C1R: variants seen among roughly 807,000 people sequenced by gnomAD.
C1R encodes the protein complement C1r subcomponent.
C1R carries 15 observed loss-of-function variants against 27.6 expected under a neutral mutation model. The ratio of observed to expected loss-of-function variants is 0.54; its 90% CI spans 0.36 to 0.84. C1R has a LOEUF of 0.84. Ranked by LOEUF, C1R falls within the 40% of genes least tolerant of loss-of-function variation. C1R has a pLI of 0.01. For missense variants in C1R, 544 were observed against 577.9 expected (o/e 0.94, Z 0.60); for synonymous variants, 253 against 228.8 (o/e 1.11, Z -0.95).
At chr12:7,089,109 A>AG (rs1267618557) in intron 5 of C1R, 123 bp from the exon 6 acceptor site, 1 of 628,706 alleles carries the variant, frequency 1.6e-6, no homozygotes, top group East Asian at 2.7e-5. Context: ...GTGTGTTTTC[A>AG]GGGGAAGGTG....
rs374539040 is a variant in C1R at position 7,080,979 on chromosome 12, G to A, written c.1671C>T (p.Asp557=). The change falls in exon 11 of 11, where the codon GAC becomes GAT. Residue 557 remains aspartate (D), a synonymous_variant. Coordinates refer to ENST00000647956, the MANE Select transcript of C1R (RefSeq NM_001733.7). The surrounding 1 kb of genome is among the most constrained non-coding windows in gnomAD (Gnocchi z 4.9). ...RQDESYNFEG[D]IALLELENSV... ...TATTTTCCAGCTCCAGCAGGGCGAT[G>A]TCCCCCTCAAAATTGTAGGACTCAT... The A allele has an allele frequency of 1.4e-5, 22 of 1,613,880 alleles. No individual in the cohort carries two copies. The highest frequency in any genetic ancestry group is 1.3e-4 in the South Asian group (12 of 91,084).
chr12:7,092,248 G>C (rs1938293942), intron 1 of C1R, 139 bp downstream of exon 1: 1 of 726,226 alleles, frequency 1.4e-6, no homozygotes, highest in East Asian at 2.6e-5. Context: ...TGTGTTGTGT[G>C]TGTCCACGCG....
At position 7,090,248 on chromosome 12, in the gene C1R, T is replaced by A; in HGVS notation, c.232A>T (p.Ile78Phe). The A allele has an allele frequency of 1.4e-6, 1 of 727,926 alleles. No homozygotes were observed. Among genetic ancestry groups the A allele is most frequent in the Non-Finnish European group, 2.6e-6 (1 of 389,504 alleles). The allele number at this position is 727,926 out of a possible 1,614,324, so 45.1% of individuals were successfully genotyped here. A position where few individuals can be genotyped will look rare whatever the true frequency, so the allele number is the denominator to read the frequency against. The change falls in exon 3 of 11, where the codon ATC becomes TTC. Residue 78 changes from isoleucine to phenylalanine, a missense_variant and splice_region_variant. Ile to Phe is a conservative substitution (Grantham distance 21). This residue lies in a region of C1R where 291 missense variants were observed against 209.0 expected (regional missense o/e 1.39). Coordinates refer to ENST00000647956, the MANE Select transcript of C1R (RefSeq NM_001733.7). The part of the protein sequence containing the change: ...SEGCFYDYVK[I>F]SADKKSLGRF... ...CCCAGGCTTTTCTTATCAGCAGAGA[T>A]CTGGTGGAAGAAGGACAGGGGGTAG...
In C1R at chr12:7,080,257, T is replaced by C. The variant is rs1938028532; in HGVS notation, c.*275A>G. On this transcript the variant is annotated 3_prime_UTR_variant, in exon 11 of 11. Transcript: ENST00000647956. This position sits in a 1 kb window ranked among gnomAD's most constrained non-coding sequence, Gnocchi z 4.9. The stretch of plus-strand genomic sequence containing the variant: ...AAAACTTTATTTGGAAAAAGTTATA[T>C]TCAATGACCCAATGGTATCAAAGTG... 1 of 1,118,110 alleles carries C rather than the reference T, an allele frequency of 8.9e-7. No homozygotes were observed. 69.3% of individuals were successfully genotyped at this position (1,118,110 alleles called of 1,614,324 possible). A position where few individuals can be genotyped will look rare whatever the true frequency, so the allele number is the denominator to read the frequency against.
intron 7 of C1R, chr12:7,086,961 G>T (rs1219791858): frequency 3.3e-5 from 5 of 152,480 alleles, no homozygotes; most frequent in African/African-American, 1.2e-4. Context: ...TTTGAAAGGT[G>T]CTGGAGACGT....
At chr12:7,088,215 C>T (rs766003433) in intron 7 of C1R, among the ~76,000 whole-genome samples, 11 of 152,192 alleles carry the variant, frequency 7.2e-5, no homozygotes, top group Non-Finnish European at 1.3e-4. Context: ...TTAAACTTGG[C>T]TGTGCATTAG....
At chr12:7,083,512 A>AGTG (rs1938104536) in intron 9 of C1R, among the ~76,000 whole-genome samples, 1 of 137,864 alleles carries the variant, frequency 7.3e-6, no homozygotes, top group Non-Finnish European at 1.6e-5. Context: ...TGGTGGTGAT[A>AGTG]TTGGTGTTGG....
chr12:7,080,373 G>A lies in C1R; in HGVS notation c.*159C>T, dbSNP rs1938030981. 4 of 1,374,666 alleles carry A rather than the reference G, an allele frequency of 2.9e-6. No homozygotes were observed. The highest frequency in any genetic ancestry group is 3.7e-6 in the Non-Finnish European group (4 of 1,068,034). The allele number at this position is 1,374,666 out of a possible 1,614,324, so 85.2% of individuals were successfully genotyped here. On this transcript the variant is annotated 3_prime_UTR_variant, in exon 11 of 11. Coordinates refer to ENST00000647956, the MANE Select transcript of C1R (RefSeq NM_001733.7). The surrounding 1 kb of genome is among the most constrained non-coding windows in gnomAD (Gnocchi z 4.9). Reference sequence around the variant, plus strand: ...GGCCCTTTGGGTTGTTTCAGGTAAAGTACATCAATGGGACTACAGGAAAGA... The same window carrying A: ...GGCCCTTTGGGTTGTTTCAGGTAAAATACATCAATGGGACTACAGGAAAGA...
intron 7 of C1R, chr12:7,087,257 C>T (rs921959246): frequency 6.6e-6 from 1 of 152,376 alleles, no homozygotes; most frequent in African/African-American, 2.4e-5. Context: ...TCCAGCAACT[C>T]GGGTGGCTGA....
intron 10 of C1R, 151 bp downstream of exon 10, chr12:7,081,881 G>C (rs938404915): frequency 1.7e-6 from 1 of 584,806 alleles, no homozygotes; most frequent in Non-Finnish European, 2.9e-6. Context: ...GCAGCATTTC[G>C]GGACTGAATT....
intron 2 of C1R, among the ~76,000 whole-genome samples, chr12:7,090,546 G>T (rs924043815): frequency 2.6e-5 from 4 of 152,104 alleles, no homozygotes; most frequent in Admixed American, 2.6e-4. Context: ...CACCTCCTAT[G>T]GCCTGTTCCC....
chr12:7,087,315 C>G (rs945167329), intron 7 of C1R: 3 of 152,948 alleles, frequency 2.0e-5, no homozygotes, highest in Non-Finnish European at 4.4e-5. Flanking sequence ...ACTTGGGAGG[C>G]GGAGTTTACA....
At position 7,089,289 on chromosome 12, in the gene C1R, G is replaced by A. The variant is rs769992722; in HGVS notation, c.768+4C>T. The stretch of plus-strand genomic sequence containing the variant: ...GGGGTCTTTCAGGGGTAGGACGGCT[G>A]TACCTGTAGCTGGTCATAGGGGCAG... On this transcript the variant is annotated splice_donor_region_variant and intron_variant, in intron 5 of 10. Coordinates refer to ENST00000647956, the MANE Select transcript of C1R (RefSeq NM_001733.7). 18 of 779,868 alleles carry A rather than the reference G, an allele frequency of 2.3e-5. 1 individual carries two copies. In the South Asian group the frequency reaches 2.4e-4, roughly 10 times the overall value. 48.3% of individuals were successfully genotyped at this position (779,868 alleles called of 1,614,324 possible).
At position 7,081,127 on chromosome 12, in the gene C1R, T is replaced by C; in HGVS notation, c.1523A>G (p.Glu508Gly). 6.2e-7 allele frequency: 1 copy of C among 1,614,042 alleles called. No homozygotes were observed. The highest frequency in any genetic ancestry group is 8.5e-7 in the Non-Finnish European group (1 of 1,179,894). Reference protein sequence around the residue: ...LTAAHTLYPKEHEAQSNASLD... With the variant: ...LTAAHTLYPKGHEAQSNASLD... ...AGAGGCGTTGCTTTGCGCTTCGTGTTCCTTGGGATACAGGGTGTGGGCAGC... is the reference window on the plus strand; with the variant it reads ...AGAGGCGTTGCTTTGCGCTTCGTGTCCCTTGGGATACAGGGTGTGGGCAGC... The change falls in exon 11 of 11, where the codon GAA (glutamate) becomes GGA (glycine). Residue 508 changes from glutamate (E) to glycine (G), a missense_variant. This residue lies in a region of C1R where 253 missense variants were observed against 368.9 expected (regional missense o/e 0.69). Coordinates refer to ENST00000647956, the MANE Select transcript of C1R (RefSeq NM_001733.7).
At chr12:7,081,965 A>C in intron 10 of C1R, 67 bp downstream of exon 10, 1 of 1,334,158 alleles carries the variant, frequency 7.5e-7, no homozygotes, top group Non-Finnish European at 1.0e-6. Flanking sequence ...TTTCTGGGCC[A>C]CACTGCTTTT....
rs1259976192 is a variant in C1R at position 7,085,964 on chromosome 12, G to A, written c.1170C>T (p.Thr390=). 2.5e-6 allele frequency: 1 copy of A among 398,538 alleles called. No homozygotes were observed. Among genetic ancestry groups the A allele is most frequent in the Non-Finnish European group, 4.4e-6 (1 of 226,106 alleles). The allele number at this position is 398,538 out of a possible 1,614,324, so 24.7% of individuals were successfully genotyped here. A position where few individuals can be genotyped will look rare whatever the true frequency, so the allele number is the denominator to read the frequency against. ...TGTAGGTGTTCACTCCCATTGTGGT[G>A]GTGTAACGGAAGTCACCATTAGGCA... ...RNLPNGDFRY[T]TTMGVNTYKA... Residue 390 remains threonine, a synonymous_variant, in exon 9 of 11, where the codon ACC becomes ACT. Coordinates refer to ENST00000647956, the MANE Select transcript of C1R (RefSeq NM_001733.7).
At chr12:7,083,521 G>A (rs1306027780) in intron 9 of C1R, among the ~76,000 whole-genome samples, 2 of 146,826 alleles carry the variant, frequency 1.4e-5, no homozygotes. Flanking sequence ...TATTGGTGTT[G>A]GTAATGGTGG....
chr12:7,082,642 C>G (rs1274184966), intron 9 of C1R, among the ~76,000 whole-genome samples: 5 of 152,074 alleles, frequency 3.3e-5, no homozygotes, highest in Non-Finnish European at 7.4e-5. Context: ...GAATGCTTAA[C>G]TATTAACATA....
chr12:7,086,602 C>T, intron 7 of C1R, 145 bp from the exon 8 acceptor site: 2 of 370,210 alleles, frequency 5.4e-6, no homozygotes, highest in Non-Finnish European at 9.5e-6. Context: ...TGTGGCTCCC[C>T]CATGGATGTG....
Sources: allele counts gnomAD v4.1 joint callset (sites outside exome capture counted in the v4.1 genomes callset), GRCh38; gene constraint gnomAD v4.1.1; regional missense constraint gnomAD v4.1.1; non-coding constraint Gnocchi (gnomAD v3.1); transcripts MANE v1.5; gene names NCBI Gene and HGNC (gene_info 2026-07-23, HGNC 2026-07-21).